TUBGCP2: variants seen among roughly 807,000 people sequenced by gnomAD.
The protein encoded by TUBGCP2 is gamma-tubulin complex component 2.
TUBGCP2 carries 55 observed loss-of-function variants against 92.2 expected under a neutral mutation model. That is an observed-to-expected ratio of 0.60 (90% CI 0.48 to 0.75). The LOEUF (loss-of-function observed/expected upper bound fraction) is 0.75. Ranked by LOEUF, TUBGCP2 falls within the 30% of genes least tolerant of loss-of-function variation. The pLI, the probability that TUBGCP2 is intolerant of heterozygous loss-of-function variation, is 0.00. For missense variants in TUBGCP2, 1,093 were observed against 1,188.9 expected (o/e 0.92, Z 1.19); for synonymous variants, 533 against 505.2 (o/e 1.06, Z -0.74).
At chr10:133,297,507 G>A (rs965736881) in intron 5 of TUBGCP2, 3 of 404,632 alleles carry the variant, frequency 7.4e-6, no homozygotes, top group African/African-American at 2.1e-5. Flanking sequence ...GGTCTCACCC[G>A]CATCTTGTTT....
In TUBGCP2 at chr10:133,291,250, C is replaced by T. The variant is rs908771471; in HGVS notation, c.1214+1249G>A. On this transcript the variant is annotated intron_variant, in intron 8 of 17. Coordinates refer to ENST00000252936, the MANE Select transcript of TUBGCP2 (RefSeq NM_006659.4). ...GGGCAGCACGCGCCCTCCGTGTCCC[C>T]CATGTCCCTCCGTGTCCCCCATGTC... Among the ~76,000 whole-genome samples, 52 of 68,154 alleles carry T rather than the reference C, an allele frequency of 7.6e-4. 6 individuals are homozygous for T. In the African/African-American group the frequency reaches 8.1e-3, roughly 11 times the overall value. 44.7% of individuals were successfully genotyped at this position (68,154 alleles called of 152,430 possible).
intron 1 of TUBGCP2, among the ~76,000 whole-genome samples, 172 bp from the exon 2 acceptor site, chr10:133,303,152 G>A (rs1387925480): frequency 6.6e-6 from 1 of 152,068 alleles, no homozygotes; most frequent in African/African-American, 2.4e-5. Flanking sequence ...AGGGTCCTCT[G>A]CATGGGCCTG....
chr10:133,305,484 C>T (rs1202907414), intron 1 of TUBGCP2, among the ~76,000 whole-genome samples: 2 of 152,116 alleles, frequency 1.3e-5, no homozygotes, highest in Non-Finnish European at 2.9e-5. Context: ...GGTAGTGGTT[C>T]CCCGGGCCCG....
At chr10:133,287,158 AC>A (rs1359358575) in intron 11 of TUBGCP2, among the ~76,000 whole-genome samples, 1 of 152,212 alleles carries the variant, frequency 6.6e-6, no homozygotes. Flanking sequence ...GATACTAGAA[AC>A]CCATGAACTG....
chr10:133,294,556 G>A (rs934808800), intron 5 of TUBGCP2, among the ~76,000 whole-genome samples: 13 of 151,884 alleles, frequency 8.6e-5, no homozygotes, highest in African/African-American at 2.7e-4. Flanking sequence ...CGTCACCAAC[G>A]CAAGCCCTTC....
intron 5 of TUBGCP2, among the ~76,000 whole-genome samples, chr10:133,294,608 T>A (rs79988042): frequency 6.9e-6 from 1 of 145,586 alleles, no homozygotes. Flanking sequence ...ACTGTCCTTG[T>A]TTTTTTTTTT....
At chr10:133,309,373 G>T, upstream of TUBGCP2, 1 of 1,608,886 alleles carries the variant, frequency 6.2e-7, no homozygotes, top group Middle Eastern at 1.8e-4. Flanking sequence ...CCCGCCCACG[G>T]CGCACTTTTC....
At chr10:133,282,509 G>A (rs1847009714) in intron 15 of TUBGCP2, among the ~76,000 whole-genome samples, 167 bp from the exon 16 acceptor site, 2 of 152,182 alleles carry the variant, frequency 1.3e-5, no homozygotes, top group South Asian at 4.1e-4. Context: ...TATCTGTGCC[G>A]ACAGAATTCC....
intron 1 of TUBGCP2, among the ~76,000 whole-genome samples, chr10:133,303,764 G>A (rs1240564992): frequency 1.3e-5 from 2 of 152,064 alleles, no homozygotes; most frequent in Non-Finnish European, 2.9e-5. Flanking sequence ...CGACAGAGAC[G>A]CTTCTGGTAG....
chr10:133,302,864 C>T lies in TUBGCP2; in HGVS notation c.78G>A (p.Glu26=). The T allele has an allele frequency of 6.2e-7, 1 of 1,613,956 alleles. No homozygotes were observed. Among genetic ancestry groups the T allele is most frequent in the Non-Finnish European group, 8.5e-7 (1 of 1,180,008 alleles). The change falls in exon 2 of 18, where the codon GAG becomes GAA. Residue 26 remains glutamate (E), a synonymous_variant. Coordinates refer to ENST00000252936, the MANE Select transcript of TUBGCP2 (RefSeq NM_006659.4). ...LLRVHGGDGA[E]VYIDLLQKNR... ...TCTTTTGAAGCAGGTCAATGTAGAC[C>T]TCAGCCCCATCTCCTCCGTGGACAC...
In TUBGCP2 at chr10:133,307,275, G is replaced by A. The variant is rs568765830; in HGVS notation, c.-40+1548C>T. Among the ~76,000 whole-genome samples, 3 of 152,320 alleles carry A rather than the reference G, an allele frequency of 2.0e-5. 1 individual carries two copies. The South Asian group carries it at 6.2e-4, about 32-fold the overall frequency. ...AGGGACTGACGTCCTCCTCACAGAG[G>A]CTGTGAGCTACCGCAGGGACGCGTG... On this transcript the variant is annotated intron_variant, in intron 1 of 17. Transcript: ENST00000252936.
intron 8 of TUBGCP2, among the ~76,000 whole-genome samples, chr10:133,291,845 C>CGTGTCCCTCT (rs1847322873): frequency 4.4e-5 from 1 of 22,558 alleles, no homozygotes; most frequent in Non-Finnish European, 7.0e-5. Flanking sequence ...CATGTCCCTC[C>CGTGTCCCTCT]GTGTCCCTGT....
At chr10:133,309,930 G>C (rs1847949919), upstream of TUBGCP2, 1 of 1,613,434 alleles carries the variant, frequency 6.2e-7, no homozygotes, top group African/African-American at 1.3e-5. Flanking sequence ...CCACATCCTG[G>C]AGTGGCACGA....
intron 1 of TUBGCP2, among the ~76,000 whole-genome samples, chr10:133,303,574 C>A (rs1847732732): frequency 6.6e-6 from 1 of 152,218 alleles, no homozygotes; most frequent in Admixed American, 6.5e-5. Context: ...CAGGCCCAAG[C>A]CATTGACACT....
At position 133,279,424 on chromosome 10, in the gene TUBGCP2, G is replaced by C; in HGVS notation, c.*342C>G. Reference sequence around the variant, plus strand: ...AGCCCGGCCCCAGCTCACCCGGAAAGATGTGGACACCAGGCCTGGATCTTA... The same window carrying C: ...AGCCCGGCCCCAGCTCACCCGGAAACATGTGGACACCAGGCCTGGATCTTA... On this transcript the variant is annotated 3_prime_UTR_variant, in exon 18 of 18. Coordinates refer to ENST00000252936, the MANE Select transcript of TUBGCP2 (RefSeq NM_006659.4). 1 of 250,076 alleles carries C rather than the reference G, an allele frequency of 4.0e-6. No homozygotes were observed. The highest frequency in any genetic ancestry group is 7.7e-6 in the Non-Finnish European group (1 of 130,344). The allele number at this position is 250,076 out of a possible 1,614,324, so 15.5% of individuals were successfully genotyped here. A position where few individuals can be genotyped will look rare whatever the true frequency, so the allele number is the denominator to read the frequency against.
chr10:133,283,765 T>G (rs559725237), intron 14 of TUBGCP2, 117 bp downstream of exon 14: 3 of 1,486,828 alleles, frequency 2.0e-6, no homozygotes, highest in Non-Finnish European at 2.7e-6. Context: ...CTCCCTGCAT[T>G]CCCTGCCTCT....
chr10:133,309,126 T>C, upstream of TUBGCP2: 1 of 1,360,100 alleles, frequency 7.4e-7, no homozygotes, highest in Non-Finnish European at 9.5e-7. Flanking sequence ...AAAAAGTAGT[T>C]GTAGGATCCA....
Position 133,302,999 on chromosome 10 carries a change from C to T in TUBGCP2, c.-39-19G>A. 2 of 1,596,618 alleles carry T rather than the reference C, an allele frequency of 1.3e-6. No homozygotes were observed. The highest frequency in any genetic ancestry group is 1.7e-6 in the Non-Finnish European group (2 of 1,165,258). ...TGTTCTCCTATAGGTAAGAAGACAG[C>T]TATTCATAAAATTCAAACTGTAGAA... On this transcript the variant is annotated intron_variant, in intron 1 of 17. Coordinates refer to ENST00000252936, the MANE Select transcript of TUBGCP2 (RefSeq NM_006659.4).
intron 8 of TUBGCP2, among the ~76,000 whole-genome samples, chr10:133,291,210 C>T (rs1189242347): frequency 1.3e-5 from 2 of 151,478 alleles, no homozygotes; most frequent in Admixed American, 1.3e-4. Flanking sequence ...AAAGGAAGGC[C>T]AGAGCCCCCA....
Sources: gnomAD v4.1 joint callset for allele counts (sites outside exome capture counted in the v4.1 genomes callset) on GRCh38, gnomAD v4.1.1 for gene constraint, MANE v1.5 for transcripts, NCBI Gene and HGNC (gene_info 2026-07-23, HGNC 2026-07-21) for gene names.